TTC28: variants seen among roughly 807,000 people sequenced by gnomAD.
TTC28 encodes tetratricopeptide repeat protein 28.
TTC28 carries 61 observed loss-of-function variants against 198.0 expected under a neutral mutation model. That is an observed-to-expected ratio of 0.31 (90% CI 0.25 to 0.38). The LOEUF (loss-of-function observed/expected upper bound fraction) is 0.38. Among genes scored for constraint, TTC28 ranks in the 10% least tolerant of loss-of-function variants. TTC28 has a pLI of 1.00. For missense variants in TTC28, 2,678 were observed against 3,164.0 expected (o/e 0.85, Z 3.69); for synonymous variants, 1,171 against 1,297.8 (o/e 0.90, Z 2.10).
intron 12 of TTC28, among the ~76,000 whole-genome samples, chr22:28,053,258 C>T (rs1240318003): frequency 6.6e-6 from 1 of 152,248 alleles, no homozygotes; most frequent in Non-Finnish European, 1.5e-5. Flanking sequence ...TTGTCTCCCA[C>T]TGCTGGGCAT....
intron 2 of TTC28, among the ~76,000 whole-genome samples, chr22:28,409,427 T>G (rs1386828275): frequency 6.6e-6 from 1 of 152,078 alleles, no homozygotes; most frequent in African/African-American, 2.4e-5. Context: ...CCATTCTAAC[T>G]CTTTGAAAGT....
chr22:28,211,716 G>C (rs35892581), intron 5 of TTC28, among the ~76,000 whole-genome samples: 1,800 of 152,124 alleles, frequency 0.012, 36 homozygotes, highest in African/African-American at 0.039. Context: ...ACATTAGACA[G>C]ATCAACGAGA....
At chr22:28,138,014 G>T (rs964674474) in intron 6 of TTC28, among the ~76,000 whole-genome samples, 4 of 151,588 alleles carry the variant, frequency 2.6e-5, no homozygotes, top group Non-Finnish European at 5.9e-5. Context: ...AAACTCCGTT[G>T]TTGTTTTTTT....
chr22:28,677,496 AC>A (rs2145722134), intron 1 of TTC28, among the ~76,000 whole-genome samples: 1 of 152,110 alleles, frequency 6.6e-6, no homozygotes, highest in South Asian at 2.1e-4. Flanking sequence ...AAATAATACA[AC>A]AAAAATTAGC....
chr22:28,115,332 A>T (rs925961144), intron 6 of TTC28, among the ~76,000 whole-genome samples: 1 of 152,100 alleles, frequency 6.6e-6, no homozygotes, highest in African/African-American at 2.4e-5. Context: ...AGCTTAGTCC[A>T]CACTCTTTTA....
chr22:28,618,077 A>T (rs1053530522), intron 2 of TTC28, among the ~76,000 whole-genome samples: 6 of 152,068 alleles, frequency 3.9e-5, no homozygotes, highest in Admixed American at 3.9e-4. Flanking sequence ...GTTCGAGACC[A>T]GCCTGGCCAA....
chr22:28,593,456 GATA>G (rs2050472738), intron 2 of TTC28, among the ~76,000 whole-genome samples: 1 of 146,908 alleles, frequency 6.8e-6, no homozygotes, highest in Non-Finnish European at 1.5e-5. Context: ...TAGATAGGTA[GATA>G]GGTAGGTAGC....
At chr22:28,410,809 GTAATTTAC>G (rs781776655) in intron 2 of TTC28, among the ~76,000 whole-genome samples, 1 of 152,136 alleles carries the variant, frequency 6.6e-6, no homozygotes, top group Non-Finnish European at 1.5e-5. Context: ...GAAAAAAATA[GTAATTTAC>G]TGAACTAGCA....
At chr22:28,597,774 AC>A (rs2050566108) in intron 2 of TTC28, among the ~76,000 whole-genome samples, 1 of 152,312 alleles carries the variant, frequency 6.6e-6, no homozygotes, top group Non-Finnish European at 1.5e-5. Flanking sequence ...AAAAAAGATT[AC>A]TAAAATCCTC....
At chr22:28,401,933 C>G (rs2046916749) in intron 2 of TTC28, among the ~76,000 whole-genome samples, 1 of 152,138 alleles carries the variant, frequency 6.6e-6, no homozygotes, top group African/African-American at 2.4e-5. Flanking sequence ...GTTTCAGACA[C>G]AGGATTTTTA....
chr22:28,409,877 C>T (rs1178589334), intron 2 of TTC28, among the ~76,000 whole-genome samples: 8 of 149,580 alleles, frequency 5.3e-5, no homozygotes, highest in Non-Finnish European at 1.0e-4. Context: ...AGGATGGTCT[C>T]GATCTCTTGA....
At chr22:28,166,717 G>T (rs989831640) in intron 5 of TTC28, among the ~76,000 whole-genome samples, 7 of 152,192 alleles carry the variant, frequency 4.6e-5, no homozygotes, top group Non-Finnish European at 1.0e-4. Context: ...ACAAGAGAAA[G>T]CAGGAAAGAT....
chr22:28,244,671 T>C (rs772416267), intron 5 of TTC28, among the ~76,000 whole-genome samples: 1 of 152,256 alleles, frequency 6.6e-6, no homozygotes, highest in Non-Finnish European at 1.5e-5. Flanking sequence ...CTCTGAATTC[T>C]CAGCACCTCT....
At chr22:28,138,453 T>C (rs1486727173) in intron 6 of TTC28, among the ~76,000 whole-genome samples, 1 of 152,202 alleles carries the variant, frequency 6.6e-6, no homozygotes, top group Admixed American at 6.5e-5. Context: ...TAATGACTAA[T>C]AAAATAAGAG....
intron 12 of TTC28, among the ~76,000 whole-genome samples, chr22:28,061,993 G>A (rs1342330152): frequency 6.6e-6 from 1 of 152,112 alleles, no homozygotes; most frequent in Non-Finnish European, 1.5e-5. Flanking sequence ...GTGAATGGGA[G>A]TTCACTCATG....
At chr22:28,199,098 G>T (rs1925649533) in intron 5 of TTC28, among the ~76,000 whole-genome samples, 1 of 151,984 alleles carries the variant, frequency 6.6e-6, no homozygotes, top group Admixed American at 6.6e-5. Context: ...CATATTTCTA[G>T]AAGTAATATC....
chr22:28,328,764 ATAAT>A (rs1227069200), intron 2 of TTC28, among the ~76,000 whole-genome samples: 3 of 81,254 alleles, frequency 3.7e-5, no homozygotes, highest in South Asian at 3.8e-4. Flanking sequence ...AAAAATAATA[ATAAT>A]AATAATAATA....
rs1272405170 is a variant in TTC28 at position 28,005,359 on chromosome 22, A to G, written c.4219-3806T>C. ...GAAGGTGCAGTCTTTGTACAAGGAG[A>G]GGGTTGTTCCTTCTGACAGGGTGGG... On this transcript the variant is annotated intron_variant, in intron 14 of 22. Transcript: ENST00000397906. This position sits in a 1 kb window ranked among gnomAD's most constrained non-coding sequence, Gnocchi z 4.9. 6.6e-6 allele frequency among the ~76,000 whole-genome samples: 1 copy of G among 152,018 alleles called. No individual in the cohort carries two copies. Among genetic ancestry groups the G allele is most frequent in the East Asian group, 1.9e-4 (1 of 5,178 alleles).
At chr22:28,259,719 TTTAGAATCCACTAAGAACAGCTATA>T (rs1429081651) in intron 5 of TTC28, among the ~76,000 whole-genome samples, 2 of 152,110 alleles carry the variant, frequency 1.3e-5, no homozygotes, top group African/African-American at 4.8e-5. Flanking sequence ...ATGTATGATG[TTTAGAATCCACTAAGAACAGCTATA>T]ATGGAAATGT....
Sources: gnomAD v4.1 joint callset for allele counts (sites outside exome capture counted in the v4.1 genomes callset) on GRCh38, gnomAD v4.1.1 for gene constraint, Gnocchi (gnomAD v3.1) non-coding constraint, MANE v1.5 for transcripts, NCBI Gene and HGNC (gene_info 2026-07-23, HGNC 2026-07-21) for gene names.